The following SBF2 variants were observed in gnomAD, a reference collection of about 807,000 sequenced individuals.
The protein encoded by SBF2 is myotubularin-related protein 13.
Under a neutral mutation model 225.2 loss-of-function variants are expected in SBF2, and 112 were observed. That is an observed-to-expected ratio of 0.50 (90% confidence interval 0.43 to 0.58). SBF2 has a LOEUF of 0.58. Among genes scored for constraint, SBF2 ranks in the 20% least tolerant of loss-of-function variants. SBF2 has a pLI of 0.00. For synonymous variants in SBF2, 763 were observed against 773.3 expected, an observed-to-expected ratio of 0.99 and a Z score of 0.22; for missense variants, 1,996 against 2,206.2, an observed-to-expected ratio of 0.90 and a Z score of 1.91.
intron 28 of SBF2, among the ~76,000 whole-genome samples, chr11:9,824,170 G>C (rs1854931811): frequency 6.6e-6 from 1 of 152,122 alleles, no homozygotes; most frequent in Non-Finnish European, 1.5e-5. Context: ...GCAAAGAATG[G>C]AGTCATAAGA....
chr11:9,902,943 T>C (rs1346037776), intron 16 of SBF2, among the ~76,000 whole-genome samples: 7 of 124,950 alleles, frequency 5.6e-5, no homozygotes, highest in African/African-American at 2.2e-4. Context: ...GAGGAAAAAA[T>C]GGAATAATAG....
At chr11:10,226,372 C>A (rs1958547593) in intron 1 of SBF2, among the ~76,000 whole-genome samples, 1 of 151,670 alleles carries the variant, frequency 6.6e-6, no homozygotes, top group South Asian at 2.1e-4. Flanking sequence ...GGTACATGTG[C>A]ACAACGTGCA....
chr11:10,075,226 T>A (rs1951048543), intron 2 of SBF2, among the ~76,000 whole-genome samples: 1 of 152,238 alleles, frequency 6.6e-6, no homozygotes, highest in Non-Finnish European at 1.5e-5. Context: ...AAACCTCAGT[T>A]TTCCTTGAAC....
chr11:9,863,102 C>G (rs769990940), intron 17 of SBF2, among the ~76,000 whole-genome samples: 1 of 152,048 alleles, frequency 6.6e-6, no homozygotes, highest in African/African-American at 2.4e-5. Flanking sequence ...AAAAACAGCC[C>G]GTGAAGGTAC....
chr11:9,993,163 A>T, intron 10 of SBF2, 60 bp from the exon 11 acceptor site: 1 of 1,292,192 alleles, frequency 7.7e-7, no homozygotes, highest in Non-Finnish European at 1.1e-6. Context: ...TGAAATATCA[A>T]GTCAAAAAGG....
In SBF2 at chr11:10,221,399, T is replaced by C. The variant is rs1233076626; in HGVS notation, c.56-27412A>G. The stretch of plus-strand genomic sequence containing the variant: ...TCCTAAAGTGCTGGGATTACAGGCA[T>C]GAGCCACTGTGCCCAGCCAAGACTG... On this transcript the variant is annotated intron_variant, in intron 1 of 39. Transcript: ENST00000256190. 3.3e-5 allele frequency among the ~76,000 whole-genome samples: 5 copies of C among 152,224 alleles called. No individual in the cohort carries two copies. The East Asian group carries it at 5.8e-4, about 18-fold the overall frequency.
In SBF2 at chr11:9,990,984, C is replaced by T. The variant is rs181587903; in HGVS notation, c.1297-1389G>A. On this transcript the variant is annotated intron_variant, in intron 12 of 39. Transcript: ENST00000256190. ...ATCTCACTTTTTAGTTGTGATGAAGCTGTCAGAGGAAGATAAATTTGAATA... is the reference window on the plus strand; with the variant it reads ...ATCTCACTTTTTAGTTGTGATGAAGTTGTCAGAGGAAGATAAATTTGAATA... Among the ~76,000 whole-genome samples, 21 of 152,238 alleles carry T rather than the reference C, an allele frequency of 1.4e-4. No individual in the cohort carries two copies. The East Asian group carries it at 3.9e-3, about 28-fold the overall frequency.
intron 2 of SBF2, among the ~76,000 whole-genome samples, chr11:10,140,047 G>A (rs1467722671): frequency 6.6e-6 from 1 of 152,200 alleles, no homozygotes; most frequent in Non-Finnish European, 1.5e-5. Flanking sequence ...GTGATTTGTA[G>A]TAAGAAATAT....
intron 2 of SBF2, among the ~76,000 whole-genome samples, chr11:10,106,718 A>G (rs1303065491): frequency 6.6e-6 from 1 of 152,044 alleles, no homozygotes; most frequent in Non-Finnish European, 1.5e-5. Context: ...TAAAGTAATA[A>G]AAAAGCCACA....
intron 2 of SBF2, among the ~76,000 whole-genome samples, chr11:10,177,943 T>C (rs1012031014): frequency 1.3e-5 from 2 of 148,594 alleles, no homozygotes; most frequent in African/African-American, 5.0e-5. Context: ...CTTCAAACTA[T>C]ACTACAAGGC....
chr11:10,281,507 T>C (rs917148804), intron 1 of SBF2, among the ~76,000 whole-genome samples: 5 of 152,212 alleles, frequency 3.3e-5, no homozygotes, highest in Admixed American at 6.5e-5. Context: ...TCCACATGAT[T>C]ATTCAAAACC....
At chr11:10,190,281 A>G (rs781611534) in intron 2 of SBF2, among the ~76,000 whole-genome samples, 2 of 152,220 alleles carry the variant, frequency 1.3e-5, no homozygotes, top group African/African-American at 2.4e-5. Context: ...TGTTAACCAT[A>G]GAATGCCTCT....
At chr11:10,201,858 A>T (rs1022558104) in intron 1 of SBF2, among the ~76,000 whole-genome samples, 1 of 152,218 alleles carries the variant, frequency 6.6e-6, no homozygotes, top group African/African-American at 2.4e-5. Flanking sequence ...TGGGTGACAG[A>T]ACGAGACTTC....
chr11:9,884,743 A>G (rs1025637822), intron 17 of SBF2, among the ~76,000 whole-genome samples: 1 of 152,182 alleles, frequency 6.6e-6, no homozygotes, highest in Admixed American at 6.5e-5. Flanking sequence ...AGTTTGTACC[A>G]TTTCTGACTT....
chr11:9,784,363 T>TA lies in SBF2; in HGVS notation c.5306dup (p.Thr1770AsnfsTer9). 1 of 1,612,986 alleles carries TA rather than the reference T, an allele frequency of 6.2e-7. No homozygotes were observed. ...TTAAGAGTATTACCTGATGTTTTGT[T>TA]ACATCCAAAACAAACCAACGGGGCT... On this transcript the variant is annotated frameshift_variant, in exon 38 of 40. Transcript: ENST00000256190. LOFTEE classifies it high-confidence loss of function.
chr11:10,075,742 T>C (rs1243848229), intron 2 of SBF2, among the ~76,000 whole-genome samples: 1 of 152,212 alleles, frequency 6.6e-6, no homozygotes, highest in Non-Finnish European at 1.5e-5. Flanking sequence ...TGTGAGTCAA[T>C]TAAACCTCTT....
chr11:9,793,200 A>C (rs950224456), intron 33 of SBF2, among the ~76,000 whole-genome samples: 2 of 152,006 alleles, frequency 1.3e-5, no homozygotes, highest in Non-Finnish European at 2.9e-5. Context: ...ATTGTATTTA[A>C]TCTTTTCAAC....
intron 2 of SBF2, among the ~76,000 whole-genome samples, chr11:10,179,428 A>G (rs60797959): frequency 7.6e-6 from 1 of 131,462 alleles, no homozygotes; most frequent in African/African-American, 2.8e-5. Context: ...AAAAAAACTT[A>G]TTTTTGTCAC....
chr11:10,158,325 T>C (rs186471764), intron 2 of SBF2, among the ~76,000 whole-genome samples: 75 of 151,286 alleles, frequency 5.0e-4, no homozygotes, highest in African/African-American at 1.7e-3. Flanking sequence ...AAGAAAATAA[T>C]AAAGATTAGA....
Sources: gnomAD v4.1 joint callset for allele counts (sites outside exome capture counted in the v4.1 genomes callset) on GRCh38, gnomAD v4.1.1 for gene constraint, MANE v1.5 for transcripts, NCBI Gene and HGNC (gene_info 2026-07-23, HGNC 2026-07-21) for gene names.